Variants in SHISA9 observed in about 807,000 individuals in gnomAD.
SHISA9 encodes protein shisa-9.
Under a neutral mutation model 38.0 loss-of-function variants are expected in SHISA9, and 13 were observed. The ratio of observed to expected loss-of-function variants is 0.34; its 90% confidence interval spans 0.22 to 0.54. SHISA9 has a LOEUF of 0.54. SHISA9 is among the 20% of genes least tolerant of loss of function. The pLI is 0.91. For missense variants in SHISA9, 538 were observed against 575.8 expected (o/e 0.93, Z 0.67); for synonymous variants, 275 against 242.0 (o/e 1.14, Z -1.27).
Position 13,235,106 on chromosome 16 carries a change from G to T in SHISA9, c.972G>T (p.Leu324=), listed in dbSNP as rs1317977611. ...AELAAKGNLP[L]HPVRVEDEPR... ...TGGCTGCCAAGGGGAACTTACCTCT[G>T]CACCCCGTAAGAGTGGAGGACGAGC... The change falls in exon 5 of 5, where the codon CTG becomes CTT. Residue 324 remains leucine (L), a synonymous_variant. Transcript: ENST00000558583. 1 of 1,551,622 alleles carries T rather than the reference G, an allele frequency of 6.4e-7. No homozygotes were observed. Among genetic ancestry groups the T allele is most frequent in the South Asian group, 1.2e-5 (1 of 84,054 alleles).
At chr16:12,990,944 T>C (rs1352890659) in intron 2 of SHISA9, among the ~76,000 whole-genome samples, 2 of 152,216 alleles carry the variant, frequency 1.3e-5, no homozygotes, top group African/African-American at 4.8e-5. Context: ...CTTTGAAAGA[T>C]CTTGAAACAC....
At position 12,920,965 on chromosome 16, in the gene SHISA9, G is replaced by T. The variant is rs141690741; in HGVS notation, c.691+4150G>T. On this transcript the variant is annotated intron_variant, in intron 2 of 4. Transcript: ENST00000558583. The stretch of plus-strand genomic sequence containing the variant: ...AAACAACACTAAACAAGCCAGAAGC[G>T]ATTACAAAGACTTTACTGCCACAGT... Among the ~76,000 whole-genome samples the T allele has an allele frequency of 4.6e-5, 7 of 152,230 alleles. No homozygotes were observed. In the East Asian group the frequency reaches 9.6e-4, roughly 21 times the overall value.
chr16:12,920,296 T>A (rs1158341919), intron 2 of SHISA9, among the ~76,000 whole-genome samples: 2 of 152,218 alleles, frequency 1.3e-5, no homozygotes, highest in African/African-American at 2.4e-5. Flanking sequence ...GTTGTGCACA[T>A]GTACCCTAGA....
At chr16:13,267,140 G>A in the SHISA9 span, among the ~76,000 whole-genome samples, 8 of 151,868 alleles carry the variant, frequency 5.3e-5, no homozygotes, top group African/African-American at 1.9e-4. Context: ...AAGCCAAGTG[G>A]GACCATATTC....
the SHISA9 span, among the ~76,000 whole-genome samples, chr16:13,256,045 G>A: frequency 1.3e-5 from 2 of 152,094 alleles, no homozygotes; most frequent in Non-Finnish European, 2.9e-5. Context: ...ACCTTTTTAT[G>A]TTCTAGGACA....
At chr16:13,262,054 C>G in the SHISA9 span, among the ~76,000 whole-genome samples, 2 of 152,180 alleles carry the variant, frequency 1.3e-5, no homozygotes, top group East Asian at 3.8e-4. Flanking sequence ...TTAAATCAGT[C>G]AGACTCAGAA....
At chr16:13,193,835 T>C (rs1179006154) in intron 2 of SHISA9, among the ~76,000 whole-genome samples, 1 of 152,168 alleles carries the variant, frequency 6.6e-6, no homozygotes, top group Non-Finnish European at 1.5e-5. Flanking sequence ...CTCAGAGTTA[T>C]TGGGGAGTGC....
intron 2 of SHISA9, among the ~76,000 whole-genome samples, chr16:13,040,017 C>T (rs2073116135): frequency 6.6e-6 from 1 of 152,202 alleles, no homozygotes; most frequent in Non-Finnish European, 1.5e-5. Flanking sequence ...CTGGCACCAT[C>T]TTGGTCCAAG....
At chr16:13,367,700 G>GCA in the SHISA9 span, among the ~76,000 whole-genome samples, 4 of 51,156 alleles carry the variant, frequency 7.8e-5, no homozygotes, top group African/African-American at 2.2e-4. Context: ...GTGTGCGTGC[G>GCA]CGCGCGCGCG....
chr16:13,310,047 C>G, the SHISA9 span, among the ~76,000 whole-genome samples: 1 of 152,162 alleles, frequency 6.6e-6, no homozygotes, highest in African/African-American at 2.4e-5. Flanking sequence ...GCCACCATAC[C>G]TGGCTAATTT....
At chr16:13,311,062 T>C in the SHISA9 span, among the ~76,000 whole-genome samples, 1 of 152,124 alleles carries the variant, frequency 6.6e-6, no homozygotes, top group African/African-American at 2.4e-5. Context: ...CAGGAGTCCA[T>C]GTAAAACCCA....
intron 2 of SHISA9, among the ~76,000 whole-genome samples, chr16:12,989,794 T>C (rs1231042006): frequency 6.6e-6 from 1 of 152,110 alleles, no homozygotes; most frequent in Non-Finnish European, 1.5e-5. Context: ...TTTTGCTTTA[T>C]GTTCAGGGGT....
Position 13,213,238 on chromosome 16 carries a change from T to G in SHISA9, c.848-15T>G, listed in dbSNP as rs1250067063. The G allele has an allele frequency of 1.3e-6, 2 of 1,550,992 alleles. No homozygotes were observed. The highest frequency in any genetic ancestry group is 8.7e-7 in the Non-Finnish European group (1 of 1,146,350). On this transcript the variant is annotated splice_polypyrimidine_tract_variant and intron_variant, in intron 3 of 4. Coordinates refer to ENST00000558583, the MANE Select transcript of SHISA9 (RefSeq NM_001145204.3). ...CAAACAGATCATCAGCATTTCTTGATTGTTATTTTTTTAGGAAGTTCTGAT... is the reference window on the plus strand; with the variant it reads ...CAAACAGATCATCAGCATTTCTTGAGTGTTATTTTTTTAGGAAGTTCTGAT...
At chr16:12,913,046 T>G (rs764125520) in intron 1 of SHISA9, among the ~76,000 whole-genome samples, 7 of 148,180 alleles carry the variant, frequency 4.7e-5, no homozygotes, top group Non-Finnish European at 8.8e-5. Flanking sequence ...TCTCCCTCCT[T>G]TCTATTTGTA....
At chr16:13,456,212 G>A in the SHISA9 span, among the ~76,000 whole-genome samples, 15 of 152,092 alleles carry the variant, frequency 9.9e-5, no homozygotes, top group African/African-American at 3.1e-4. Flanking sequence ...GACACATGAC[G>A]GGACTTTCTC....
At chr16:13,192,151 CT>C (rs2050891268) in intron 2 of SHISA9, among the ~76,000 whole-genome samples, 1 of 152,000 alleles carries the variant, frequency 6.6e-6, no homozygotes, top group African/African-American at 2.4e-5. Context: ...CATGTTCTCA[CT>C]TATGGATGGG....
intron 2 of SHISA9, among the ~76,000 whole-genome samples, chr16:12,950,002 C>A (rs1385432229): frequency 6.6e-6 from 1 of 152,178 alleles, no homozygotes; most frequent in Non-Finnish European, 1.5e-5. Flanking sequence ...CATTAACCAA[C>A]TTTTCCCCAT....
At chr16:13,353,381 C>T in the SHISA9 span, among the ~76,000 whole-genome samples, 13 of 152,288 alleles carry the variant, frequency 8.5e-5, no homozygotes, top group Non-Finnish European at 2.9e-5. Context: ...TAAGGAGATT[C>T]AGCATAGTCC....
the SHISA9 span, among the ~76,000 whole-genome samples, chr16:13,360,531 C>T: frequency 6.6e-6 from 1 of 152,174 alleles, no homozygotes; most frequent in Non-Finnish European, 1.5e-5. Context: ...GTTCTTCTTC[C>T]TGCCACCATG....
Sources: allele counts gnomAD v4.1 joint callset (sites outside exome capture counted in the v4.1 genomes callset), GRCh38; gene constraint gnomAD v4.1.1; transcripts MANE v1.5; gene names NCBI Gene and HGNC (gene_info 2026-07-23, HGNC 2026-07-21).